Variants in TAF1L observed in about 807,000 individuals in gnomAD.
The protein encoded by TAF1L is transcription initiation factor TFIID subunit 1-like.
In TAF1L, 30 loss-of-function variants were observed where a neutral mutation model predicts 128.8. That is an observed-to-expected ratio of 0.23 (90% CI 0.17 to 0.32). TAF1L has a LOEUF of 0.32. Ranked by LOEUF, TAF1L falls within the 10% of genes least tolerant of loss-of-function variation. The pLI is 1.00. For synonymous variants in TAF1L, 764 were observed against 790.7 expected, an observed-to-expected ratio of 0.97 and a Z score of 0.57; for missense variants, 2,099 against 2,253.7, an observed-to-expected ratio of 0.93 and a Z score of 1.39.
Position 32,635,222 on chromosome 9 carries a change from T to C in TAF1L, c.358A>G (p.Ser120Gly). 6.2e-7 allele frequency: 1 copy of C among 1,614,168 alleles called. No homozygotes were observed. Among genetic ancestry groups the C allele is most frequent in the Non-Finnish European group, 8.5e-7 (1 of 1,180,022 alleles). Residue 120 changes from serine to glycine, a missense_variant, in exon 1 of 1, where the codon AGC becomes GGC. Physicochemically the swap from Ser to Gly is moderately conservative, Grantham distance 56. Transcript: ENST00000242310. ...CCCATCGTCTGCTGGTGTCTTTGGC[T>C]TTCATCTTCTGCCACCTCATTGATG... ...SDINEVAEDE[S>G]QRHQQTMGSL...
Position 32,634,118 on chromosome 9 carries a change from G to T in TAF1L, c.1462C>A (p.Pro488Thr). ...DDDKPWYSIFPIDNEDLVYGR... is the reference protein window; with the variant it reads ...DDDKPWYSIFTIDNEDLVYGR... ...TACACCAGATCCTCATTGTCAATGG[G>T]AAAAATGGAGTACCAAGGTTTGTCA... The change falls in exon 1 of 1, where the codon CCC becomes ACC. Residue 488 changes from proline to threonine, a missense_variant. Around this residue, in one of 4 missense-constraint regions of TAF1L, gnomAD observed 1,213 missense variants for 1,391.4 expected, o/e 0.87. Transcript: ENST00000242310. 2 of 1,614,138 alleles carry T rather than the reference G, an allele frequency of 1.2e-6. No individual in the cohort carries two copies. The highest frequency in any genetic ancestry group is 1.7e-6 in the Non-Finnish European group (2 of 1,180,032).
rs1362846127 is a variant in TAF1L, at chr9:32,633,204, A to C, written c.2376T>G (p.Ile792Met). 2.4e-5 allele frequency: 39 copies of C among 1,614,074 alleles called. No homozygotes were observed. The highest frequency in any genetic ancestry group is 3.3e-5 in the Non-Finnish European group (39 of 1,180,054). ...LIIRTRQGYY[I>M]RELVDIFVVG... ...CCACAAAAATATCCACTAATTCCCGAATATAGTAACCCTGTCTTGTCCGAA... is the reference window on the plus strand; with the variant it reads ...CCACAAAAATATCCACTAATTCCCGCATATAGTAACCCTGTCTTGTCCGAA... The change falls in exon 1 of 1, where the codon ATT becomes ATG. Residue 792 changes from isoleucine (I) to methionine (M), a missense_variant. By Grantham distance (10) the Ile-to-Met change is conservative. This residue lies in a region of TAF1L where 1,213 missense variants were observed against 1,391.4 expected (regional missense o/e 0.87). Transcript: ENST00000242310.
Position 32,633,497 on chromosome 9 carries a change from C to T in TAF1L, c.2083G>A (p.Gly695Arg). 6.2e-7 allele frequency: 1 copy of T among 1,614,188 alleles called. No individual in the cohort carries two copies. Among genetic ancestry groups the T allele is most frequent in the South Asian group, 1.1e-5 (1 of 91,088 alleles). Residue 695 changes from glycine (G) to arginine (R), a missense_variant, in exon 1 of 1, where the codon GGA (glycine) becomes AGA (arginine). This residue lies in a region of TAF1L where 1,213 missense variants were observed against 1,391.4 expected (regional missense o/e 0.87). Transcript: ENST00000242310. ...RTPQDLTGKD[G>R]DLILAEYSEE... ...CTATATTCTGCAAGAATAAGATCTC[C>T]ATCTTTGCCTGTGAGATCCTGAGGT...
Position 32,631,055 on chromosome 9 carries a change from G to C in TAF1L, c.4525C>G (p.Arg1509Gly), listed in dbSNP as rs775083365. 6.2e-7 allele frequency: 1 copy of C among 1,614,176 alleles called. No individual in the cohort carries two copies. The highest frequency in any genetic ancestry group is 8.5e-7 in the Non-Finnish European group (1 of 1,180,030). The change falls in exon 1 of 1, where the codon CGC becomes GGC. Residue 1509 changes from arginine to glycine, a missense_variant. Arg to Gly is a moderately radical substitution (Grantham distance 125, BLOSUM62 -2). This residue lies in a region of TAF1L where 404 missense variants were observed against 406.5 expected (regional missense o/e 0.99). Coordinates refer to ENST00000242310, the MANE Select transcript of TAF1L (RefSeq NM_153809.2). The surrounding 1 kb of genome is among the most constrained non-coding windows in gnomAD (Gnocchi z 4.1). The part of the protein sequence containing the change: ...KLKEKEDKLA[R>G]LEKAINPLLD... ...AAGGGGTTGATAGCTTTCTCTAAGC[G>C]AGCTAATTTGTCTTCTTTCTCTTTA...
Position 32,634,173 on chromosome 9 carries a change from A to T in TAF1L, c.1407T>A (p.Val469=). The change falls in exon 1 of 1, where the codon GTT becomes GTA. Residue 469 remains valine (V), a synonymous_variant. Transcript: ENST00000242310. ...CCAGAGTGGGTGCAAAACCTTGCTGAACATTGTAAGCCATTACATTCCTAG... is the reference window on the plus strand; with the variant it reads ...CCAGAGTGGGTGCAAAACCTTGCTGTACATTGTAAGCCATTACATTCCTAG... ...IKTRNVMAYN[V]QQGFAPTLDD... 1.2e-6 allele frequency: 2 copies of T among 1,614,144 alleles called. No homozygotes were observed. The highest frequency in any genetic ancestry group is 2.2e-5 in the East Asian group (1 of 44,880).
At position 32,635,228 on chromosome 9, in the gene TAF1L, C is replaced by A; in HGVS notation, c.352G>T (p.Asp118Tyr). Residue 118 changes from aspartate (D) to tyrosine (Y), a missense_variant, in exon 1 of 1, where the codon GAT (aspartate) becomes TAT (tyrosine). Around this residue, in one of 4 missense-constraint regions of TAF1L, gnomAD observed 473 missense variants for 429.6 expected, o/e 1.10. Transcript: ENST00000242310. ...DYSDINEVAEDESQRHQQTMG... is the reference protein window; with the variant it reads ...DYSDINEVAEYESQRHQQTMG... ...GTCTGCTGGTGTCTTTGGCTTTCAT[C>A]TTCTGCCACCTCATTGATGTCTGAA... 6.2e-7 allele frequency: 1 copy of A among 1,614,170 alleles called. No homozygotes were observed. The highest frequency in any genetic ancestry group is 8.5e-7 in the Non-Finnish European group (1 of 1,180,026).
Position 32,633,764 on chromosome 9 carries a change from T to C in TAF1L, c.1816A>G (p.Asn606Asp), listed in dbSNP as rs775779635. The change falls in exon 1 of 1, where the codon AAT (asparagine) becomes GAT (aspartate). Residue 606 changes from asparagine (N) to aspartate (D), a missense_variant. Asn to Asp is a conservative substitution (Grantham distance 23). Coordinates refer to ENST00000242310, the MANE Select transcript of TAF1L (RefSeq NM_153809.2). ...GCAGGAATTGAATGCTGGATAATAT[T>C]CCCTCCAAAGGTGCCCCGAAGACCC... Reference protein sequence around the residue: ...QQGLRGTFGGNIIQHSIPAME... With the variant: ...QQGLRGTFGGDIIQHSIPAME... The C allele has an allele frequency of 8.7e-6, 14 of 1,614,054 alleles. No homozygotes were observed. Among genetic ancestry groups the C allele is most frequent in the South Asian group, 7.7e-5 (7 of 91,080 alleles).
rs1254167048 is a variant in TAF1L, at chr9:32,633,777, G to T, written c.1803C>A (p.Gly601=). The part of the protein sequence containing the change: ...YYFPKQQGLR[G]TFGGNIIQHS... ...GCTGGATAATATTCCCTCCAAAGGT[G>T]CCCCGAAGACCCTGTTGCTTGGGGA... The change falls in exon 1 of 1, where the codon GGC becomes GGA. Residue 601 remains glycine (G), a synonymous_variant. Coordinates refer to ENST00000242310, the MANE Select transcript of TAF1L (RefSeq NM_153809.2). 1.9e-6 allele frequency: 3 copies of T among 1,614,102 alleles called. No homozygotes were observed. Among genetic ancestry groups the T allele is most frequent in the Non-Finnish European group, 2.5e-6 (3 of 1,180,050 alleles).
chr9:32,632,083 T>C lies in TAF1L; in HGVS notation c.3497A>G (p.Asp1166Gly), dbSNP rs772948085. 6.2e-7 allele frequency: 1 copy of C among 1,614,166 alleles called. No homozygotes were observed. Among genetic ancestry groups the C allele is most frequent in the South Asian group, 1.1e-5 (1 of 91,082 alleles). Residue 1166 changes from aspartate (D) to glycine (G), a missense_variant, in exon 1 of 1, where the codon GAT becomes GGT. Physicochemically the swap from Asp to Gly is moderately conservative, Grantham distance 94. Around this residue, in one of 4 missense-constraint regions of TAF1L, gnomAD observed 1,213 missense variants for 1,391.4 expected, o/e 0.87. Coordinates refer to ENST00000242310, the MANE Select transcript of TAF1L (RefSeq NM_153809.2). This position sits in a 1 kb window ranked among gnomAD's most constrained non-coding sequence, Gnocchi z 4.4. ...GSAASGNNHRDDVTASMTSLK... is the reference protein window; with the variant it reads ...GSAASGNNHRGDVTASMTSLK... ...GCTAGTCATGGAAGCTGTGACATCA[T>C]CTCTGTGATTGTTTCCTGATGCTGC... is the stretch of plus-strand genomic sequence containing the variant.
Position 32,631,984 on chromosome 9 carries a change from A to G in TAF1L, c.3596T>C (p.Val1199Ala). The change falls in exon 1 of 1, where the codon GTT (valine) becomes GCT (alanine). Residue 1199 changes from valine (V) to alanine (A), a missense_variant. Coordinates refer to ENST00000242310, the MANE Select transcript of TAF1L (RefSeq NM_153809.2). This position sits in a 1 kb window ranked among gnomAD's most constrained non-coding sequence, Gnocchi z 4.1. ...TFRDEEGKEY[V>A]RCETVRKPAV... ...TGGTTTTCGGACTGTCTCACAGCGA[A>G]CATACTCTTTCCCCTCTTCATCTCG... 4 of 1,614,186 alleles carry G rather than the reference A, an allele frequency of 2.5e-6. No individual in the cohort carries two copies.
Position 32,632,537 on chromosome 9 carries a change from G to A in TAF1L, c.3043C>T (p.Arg1015Cys), listed in dbSNP as rs572372548. The change falls in exon 1 of 1, where the codon CGT (arginine) becomes TGT (cysteine). Residue 1015 changes from arginine (R) to cysteine (C), a missense_variant. By Grantham distance (180) the Arg-to-Cys change is radical. Around this residue, in one of 4 missense-constraint regions of TAF1L, gnomAD observed 1,213 missense variants for 1,391.4 expected, o/e 0.87. Transcript: ENST00000242310. This position sits in a 1 kb window ranked among gnomAD's most constrained non-coding sequence, Gnocchi z 4.4. ...TTGGCATTTTTCAGGGAAAGGCGAC[G>A]AAGGTCTGCATCTGTTCCTGTCACT... The part of the protein sequence containing the change: ...KTVTGTDADL[R>C]RLSLKNAKQL... 28 of 1,614,202 alleles carry A rather than the reference G, an allele frequency of 1.7e-5. No homozygotes were observed. In the South Asian group the frequency reaches 2.0e-4, roughly 11 times the overall value.
Position 32,630,879 on chromosome 9 carries a change from C to T in TAF1L, c.4701G>A (p.Val1567=), listed in dbSNP as rs1368878161. 1 of 1,614,110 alleles carries T rather than the reference C, an allele frequency of 6.2e-7. No individual in the cohort carries two copies. The highest frequency in any genetic ancestry group is 8.5e-7 in the Non-Finnish European group (1 of 1,180,012). ...PDYYKMIVNP[V]DLETIRKNIS... ...TGTTCTTACGTATGGTCTCTAAATC[C>T]ACTGGATTGACAATCATTTTGTAAT... The change falls in exon 1 of 1, where the codon GTG becomes GTA. Residue 1567 remains valine, a synonymous_variant. Coordinates refer to ENST00000242310, the MANE Select transcript of TAF1L (RefSeq NM_153809.2).
rs767778670 is a variant in TAF1L, at chr9:32,632,057, G to C, written c.3523C>G (p.Leu1175Val). 1.2e-5 allele frequency: 20 copies of C among 1,614,128 alleles called. No homozygotes were observed. The highest frequency in any genetic ancestry group is 8.5e-7 in the Non-Finnish European group (1 of 1,180,040). ...RDDVTASMTSLKSSATGHCLK... is the reference protein window; with the variant it reads ...RDDVTASMTSVKSSATGHCLK... ...CAGTGTCCAGTGGCAGAAGACTTAA[G>C]GCTAGTCATGGAAGCTGTGACATCA... The change falls in exon 1 of 1, where the codon CTT (leucine) becomes GTT (valine). Residue 1175 changes from leucine to valine, a missense_variant. By Grantham distance (32) the Leu-to-Val change is conservative (BLOSUM62 1). Around this residue, in one of 4 missense-constraint regions of TAF1L, gnomAD observed 1,213 missense variants for 1,391.4 expected, o/e 0.87. Transcript: ENST00000242310. This position sits in a 1 kb window ranked among gnomAD's most constrained non-coding sequence, Gnocchi z 4.4.
Position 32,630,368 on chromosome 9 carries a change from C to G in TAF1L, c.5212G>C (p.Glu1738Gln). 3.7e-6 allele frequency: 6 copies of G among 1,614,232 alleles called. No homozygotes were observed. Among genetic ancestry groups the G allele is most frequent in the Non-Finnish European group, 4.2e-6 (5 of 1,180,040 alleles). The stretch of plus-strand genomic sequence containing the variant: ...TCTGCAAGATCACCATCTCCCCCTT[C>G]TGGGGCTGGAGGCTTAGGTTTCCCA... ...EDGKPKPPAPEGGDGDLADEE... is the reference protein window; with the variant it reads ...EDGKPKPPAPQGGDGDLADEE... The change falls in exon 1 of 1, where the codon GAA becomes CAA. Residue 1738 changes from glutamate to glutamine, a missense_variant. Glu to Gln is a conservative substitution (Grantham distance 29). This residue lies in a region of TAF1L where 404 missense variants were observed against 406.5 expected (regional missense o/e 0.99). Coordinates refer to ENST00000242310, the MANE Select transcript of TAF1L (RefSeq NM_153809.2).
Position 32,634,993 on chromosome 9 carries a change from G to A in TAF1L, c.587C>T (p.Ala196Val), listed in dbSNP as rs553346547. 6.2e-7 allele frequency: 1 copy of A among 1,614,028 alleles called. No individual in the cohort carries two copies. The highest frequency in any genetic ancestry group is 2.2e-5 in the East Asian group (1 of 44,878). Residue 196 changes from alanine (A) to valine (V), a missense_variant, in exon 1 of 1, where the codon GCC (alanine) becomes GTC (valine). Around this residue, in one of 4 missense-constraint regions of TAF1L, gnomAD observed 473 missense variants for 429.6 expected, o/e 1.10. Transcript: ENST00000242310. ...LPSIIAPSFL[A>V]SEKVDFSSYS... ...ACTACTGAAATCCACTTTCTCTGAG[G>A]CCAAAAAGGAAGGGGCAATGATGGA...
Position 32,634,338 on chromosome 9 carries a change from A to G in TAF1L, c.1242T>C (p.Asp414=). ...TCAGGAAGTTTTCGTCAGCCAGAAG[A>G]TCAGTGCCATTGCTTTCCTCAAGTT... ...FRKLEESNGT[D]LLADENFLMV... is the part of the protein sequence containing the mutation. The change falls in exon 1 of 1, where the codon GAT becomes GAC. Residue 414 remains aspartate, a synonymous_variant. Transcript: ENST00000242310. 6.2e-7 allele frequency: 1 copy of G among 1,614,182 alleles called. No individual in the cohort carries two copies. The highest frequency in any genetic ancestry group is 8.5e-7 in the Non-Finnish European group (1 of 1,180,030).
At position 32,635,258 on chromosome 9, in the gene TAF1L, C is replaced by T. The variant is rs1359403716; in HGVS notation, c.322G>A (p.Asp108Asn). The stretch of plus-strand genomic sequence containing the variant: ...GCCACCTCATTGATGTCTGAATAGT[C>T]TACAGCATCTTCTGTACTCCTAATC... ...GWIRSTEDAV[D>N]YSDINEVAED... Residue 108 changes from aspartate (D) to asparagine (N), a missense_variant, in exon 1 of 1, where the codon GAC becomes AAC. By Grantham distance (23) the Asp-to-Asn change is conservative. This residue lies in a region of TAF1L where 473 missense variants were observed against 429.6 expected (regional missense o/e 1.10). Coordinates refer to ENST00000242310, the MANE Select transcript of TAF1L (RefSeq NM_153809.2). The T allele has an allele frequency of 1.8e-5, 29 of 1,614,128 alleles. No individual in the cohort carries two copies. Among genetic ancestry groups the T allele is most frequent in the Non-Finnish European group, 2.5e-5 (29 of 1,180,032 alleles).
Position 32,635,444 on chromosome 9 carries a change from T to C in TAF1L, c.136A>G (p.Ser46Gly), listed in dbSNP as rs1169678098. 6.2e-7 allele frequency: 1 copy of C among 1,614,136 alleles called. No homozygotes were observed. Among genetic ancestry groups the C allele is most frequent in the Admixed American group, 1.7e-5 (1 of 60,008 alleles). Residue 46 changes from serine (S) to glycine (G), a missense_variant, in exon 1 of 1, where the codon AGT (serine) becomes GGT (glycine). By Grantham distance (56) the Ser-to-Gly change is moderately conservative (BLOSUM62 0). Coordinates refer to ENST00000242310, the MANE Select transcript of TAF1L (RefSeq NM_153809.2). ...TLAGILFGNI[S>G]GAGQLEGESV... ...TCCCCCTCCAGCTGCCCCGCTCCACTGATGTTGCCGAAAAGGATACCCGCT... is the reference window on the plus strand; with the variant it reads ...TCCCCCTCCAGCTGCCCCGCTCCACCGATGTTGCCGAAAAGGATACCCGCT...
chr9:32,631,191 C>T lies in TAF1L; in HGVS notation c.4389G>A (p.Glu1463=), dbSNP rs1170211220. ...VRKCLYPSRE[E]FREHLELIVK... is the part of the protein sequence containing the mutation. ...CAATTAGCTCCAGATGCTCTCTGAA[C>T]TCTTCCCGAGATGGGTAGAGGCATT... Residue 1463 remains glutamate, a synonymous_variant, in exon 1 of 1, where the codon GAG becomes GAA. Transcript: ENST00000242310. The surrounding 1 kb of genome is among the most constrained non-coding windows in gnomAD (Gnocchi z 4.1). 12 of 1,614,098 alleles carry T rather than the reference C, an allele frequency of 7.4e-6. No homozygotes were observed. Among genetic ancestry groups the T allele is most frequent in the Admixed American group, 1.7e-5 (1 of 60,012 alleles).
Sources: allele counts gnomAD v4.1 joint callset, GRCh38; gene constraint gnomAD v4.1.1; regional missense constraint gnomAD v4.1.1; non-coding constraint Gnocchi (gnomAD v3.1); transcripts MANE v1.5; gene names NCBI Gene and HGNC (gene_info 2026-07-23, HGNC 2026-07-21).